DPP6: variants seen among roughly 807,000 people sequenced by gnomAD.
DPP6 encodes the protein dipeptidyl peptidase like 6, also known as A-type potassium channel modulatory protein DPP6.
Under a neutral mutation model 122.6 loss-of-function variants are expected in DPP6, and 69 were observed. The ratio of observed to expected loss-of-function variants is 0.56; its 90% CI spans 0.46 to 0.69. The LOEUF is 0.69. DPP6 is among the 30% of genes least tolerant of loss of function. The probability of loss-of-function intolerance (pLI) is 0.00; values close to 1 mark genes in which losing one functional copy is unlikely to be tolerated. For missense variants in DPP6, 928 were observed against 1,116.9 expected (o/e 0.83, Z 2.41); for synonymous variants, 418 against 433.1 (o/e 0.97, Z 0.43).
intron 1 of DPP6, among the ~76,000 whole-genome samples, chr7:154,280,804 T>A (rs1804453203): frequency 6.6e-6 from 1 of 152,168 alleles, no homozygotes; most frequent in Non-Finnish European, 1.5e-5. Flanking sequence ...TGCCAAGCTC[T>A]GTTCTAAGCA....
chr7:154,867,859 C>A, intron 17 of DPP6, 136 bp from the exon 18 acceptor site: 1 of 1,212,886 alleles, frequency 8.2e-7, no homozygotes, highest in Non-Finnish European at 1.1e-6. Context: ...GTTTCTTTTT[C>A]TGTACACTAG....
chr7:154,413,581 A>T (rs1362789030), intron 1 of DPP6, among the ~76,000 whole-genome samples: 1 of 152,204 alleles, frequency 6.6e-6, no homozygotes, highest in East Asian at 1.9e-4. Flanking sequence ...AGTTTGGGAC[A>T]TTTATTTCGT....
upstream of DPP6, among the ~76,000 whole-genome samples, chr7:153,882,691 AAC>A (rs796195206): frequency 1.5e-3 from 225 of 152,350 alleles, 1 homozygote; most frequent in African/African-American, 5.1e-3. Context: ...GCCAGAATTA[AAC>A]ACATGCCAGG....
chr7:154,354,773 T>C (rs1456432533), intron 1 of DPP6, among the ~76,000 whole-genome samples: 1 of 152,234 alleles, frequency 6.6e-6, no homozygotes, highest in African/African-American at 2.4e-5. Flanking sequence ...GCACCATTTA[T>C]TCCTTCTGCT....
At chr7:154,193,890 G>T (rs541355708) in intron 1 of DPP6, among the ~76,000 whole-genome samples, 3 of 152,040 alleles carry the variant, frequency 2.0e-5, no homozygotes, top group Admixed American at 1.3e-4. Context: ...CCACAGAGGG[G>T]TGTGCGCTGG....
chr7:153,887,808 C>T, intron 1 of DPP6: 1 of 1,523,036 alleles, frequency 6.6e-7, no homozygotes, highest in South Asian at 1.2e-5. Context: ...GGAGGTCTGT[C>T]CTTCTCAGTC....
chr7:154,638,346 G>C (rs554372761), intron 6 of DPP6, among the ~76,000 whole-genome samples: 4 of 152,188 alleles, frequency 2.6e-5, no homozygotes, highest in Non-Finnish European at 5.9e-5. Context: ...AAACTACTCT[G>C]GTCAGACATT....
intron 1 of DPP6, among the ~76,000 whole-genome samples, chr7:154,361,603 CAAAAAAAAAA>C (rs34342809): frequency 8.6e-5 from 5 of 57,976 alleles, no homozygotes; most frequent in African/African-American, 2.0e-4. Context: ...AATTGCTAGC[CAAAAAAAAAA>C]AAAAAAAAAA....
Position 154,062,927 on chromosome 7 carries a change from G to T in DPP6, c.243+9864G>T, listed in dbSNP as rs1164917152. ...AGGACCCACCTGGAGGACTGTGGGT[G>T]TTAGTTGTCCAGGTAGAAATTTCAA... On this transcript the variant is annotated intron_variant, in intron 1 of 25. Transcript: ENST00000377770. 2.2e-5 allele frequency among the ~76,000 whole-genome samples: 3 copies of T among 134,670 alleles called. 1 individual carries two copies. Among genetic ancestry groups the T allele is most frequent in the South Asian group, 2.7e-4 (1 of 3,750 alleles). 88.3% of individuals were successfully genotyped at this position (134,670 alleles called of 152,430 possible).
intron 1 of DPP6, among the ~76,000 whole-genome samples, chr7:153,930,620 TGA>T (rs1379999529): frequency 1.3e-5 from 2 of 152,214 alleles, no homozygotes; most frequent in Non-Finnish European, 2.9e-5. Flanking sequence ...TGAAAATCTC[TGA>T]GAGAGTAGAC....
chr7:154,062,063 G>T (rs1585281154), intron 1 of DPP6, among the ~76,000 whole-genome samples: 1 of 89,478 alleles, frequency 1.1e-5, no homozygotes. Context: ...GCCAGCCCCT[G>T]GTTCCCCCAC....
At chr7:154,244,542 A>G (rs1286469207) in intron 1 of DPP6, among the ~76,000 whole-genome samples, 1 of 152,158 alleles carries the variant, frequency 6.6e-6, no homozygotes, top group Non-Finnish European at 1.5e-5. Flanking sequence ...TGTAAAATGT[A>G]TGACAATAAC....
chr7:154,368,577 C>A (rs538037975), intron 1 of DPP6, among the ~76,000 whole-genome samples: 1 of 152,304 alleles, frequency 6.6e-6, no homozygotes, highest in South Asian at 2.1e-4. Flanking sequence ...TCTTTGGAAA[C>A]AAAAGACATC....
chr7:154,510,400 T>C (rs996638220), intron 3 of DPP6, among the ~76,000 whole-genome samples: 3 of 152,030 alleles, frequency 2.0e-5, no homozygotes, highest in African/African-American at 7.2e-5. Flanking sequence ...GATGTAAAGC[T>C]TGTAAGAAGT....
intron 1 of DPP6, chr7:153,968,947 T>C (rs1360108210): frequency 6.6e-6 from 1 of 152,188 alleles, no homozygotes; most frequent in Non-Finnish European, 1.5e-5. Context: ...CATTGCTTTT[T>C]ATGACTGAGC....
At chr7:154,764,372 C>T (rs1280772960) in intron 8 of DPP6, among the ~76,000 whole-genome samples, 1 of 152,118 alleles carries the variant, frequency 6.6e-6, no homozygotes, top group East Asian at 1.9e-4. Flanking sequence ...CTCCAGCCAG[C>T]AAGAAGTGGG....
At position 154,624,574 on chromosome 7, in the gene DPP6, A is replaced by G. The variant is rs77903134; in HGVS notation, c.628-13247A>G. Among the ~76,000 whole-genome samples the G allele has an allele frequency of 2.1e-3, 316 of 152,270 alleles. 7 individuals carry two copies. In the East Asian group the frequency reaches 0.057, roughly 28 times the overall value. ...GTCAGGGCTCAGCATCTGCTTCCGA[A>G]GTTGTCACCAGGCATTTGTTCAGGG... is the stretch of plus-strand genomic sequence containing the variant. On this transcript the variant is annotated intron_variant, in intron 5 of 25. Coordinates refer to ENST00000377770, the MANE Select transcript of DPP6 (RefSeq NM_130797.4). This position sits in a 1 kb window ranked among gnomAD's most constrained non-coding sequence, Gnocchi z 4.7.
intron 1 of DPP6, among the ~76,000 whole-genome samples, chr7:154,170,280 G>A (rs1419765109): frequency 6.6e-6 from 1 of 152,146 alleles, no homozygotes; most frequent in Non-Finnish European, 1.5e-5. Context: ...GCCCGAGGAG[G>A]TCTTTCCAGG....
At chr7:154,209,606 G>A (rs1488446003) in intron 1 of DPP6, among the ~76,000 whole-genome samples, 2 of 151,104 alleles carry the variant, frequency 1.3e-5, no homozygotes, top group African/African-American at 4.9e-5. Flanking sequence ...GATACCAAGC[G>A]TACCTAGTTT....
Sources: gnomAD v4.1 joint callset for allele counts (sites outside exome capture counted in the v4.1 genomes callset) on GRCh38, gnomAD v4.1.1 for gene constraint, Gnocchi (gnomAD v3.1) non-coding constraint, MANE v1.5 for transcripts, NCBI Gene and HGNC (gene_info 2026-07-23, HGNC 2026-07-21) for gene names.